Variants in CAMTA1 observed in about 807,000 individuals in gnomAD.
CAMTA1 encodes the protein calmodulin binding transcription activator 1, also known as calmodulin-binding transcription activator 1.
Under a neutral mutation model 170.9 loss-of-function variants are expected in CAMTA1, and 27 were observed. The observed-to-expected ratio is 0.16, with a 90% CI of 0.12 to 0.22. The LOEUF (loss-of-function observed/expected upper bound fraction) is 0.22, where lower values mean the gene tolerates loss of function less well. CAMTA1 is among the 10% of genes least tolerant of loss of function. The pLI, the probability that CAMTA1 is intolerant of heterozygous loss-of-function variation, is 1.00. For synonymous variants in CAMTA1, 833 were observed against 891.5 expected (o/e 0.93, Z 1.17); for missense variants, 1,619 against 2,217.2 (o/e 0.73, Z 5.42).
At chr1:6,823,173 A>G (rs545526197) in intron 2 of CAMTA1, among the ~76,000 whole-genome samples, 11 of 152,148 alleles carry the variant, frequency 7.2e-5, no homozygotes, top group Admixed American at 1.3e-4. Context: ...AATGGAAATA[A>G]AAGTACTTTA....
At chr1:7,668,433 C>CACACACACACA (rs36054481) in intron 9 of CAMTA1, among the ~76,000 whole-genome samples, 10 of 114,874 alleles carry the variant, frequency 8.7e-5, no homozygotes, top group African/African-American at 3.2e-4. Context: ...ACACACACAC[C>CACACACACACA]CACCACACAC....
At chr1:7,694,885 G>T (rs1333478099) in intron 11 of CAMTA1, 2 of 152,212 alleles carry the variant, frequency 1.3e-5, no homozygotes, top group Non-Finnish European at 2.9e-5. Context: ...CTGAGCCAGG[G>T]CGGGGACCTG....
At chr1:7,138,161 A>T (rs572607535) in intron 4 of CAMTA1, among the ~76,000 whole-genome samples, 36 of 151,986 alleles carry the variant, frequency 2.4e-4, no homozygotes, top group African/African-American at 7.2e-4. Flanking sequence ...AATTTTTAAA[A>T]TTTTTTGTAG....
intron 3 of CAMTA1, among the ~76,000 whole-genome samples, chr1:7,027,522 A>G (rs545552050): frequency 3.8e-4 from 58 of 152,268 alleles, no homozygotes; most frequent in African/African-American, 1.4e-3. Flanking sequence ...CCACATTTTC[A>G]GGGTACTCCA....
intron 11 of CAMTA1, among the ~76,000 whole-genome samples, chr1:7,713,864 A>T (rs910892065): frequency 2.0e-5 from 3 of 152,196 alleles, no homozygotes; most frequent in African/African-American, 7.2e-5. Context: ...CTAACAAGGG[A>T]AGTTTCAGTT....
rs553888197 is a variant in CAMTA1, at chr1:7,146,677, T to C, written c.302+55306T>C. Among the ~76,000 whole-genome samples, 1 of 152,196 alleles carries C rather than the reference T, an allele frequency of 6.6e-6. No individual in the cohort carries two copies. Among genetic ancestry groups the C allele is most frequent in the South Asian group, 2.1e-4 (1 of 4,824 alleles). The stretch of plus-strand genomic sequence containing the variant: ...CTGGGACCGGCTGTGTAGGGGTTGA[T>C]GTGGGCAGTCAGAGGGGGTAGGGAG... On this transcript the variant is annotated intron_variant, in intron 4 of 22. Transcript: ENST00000303635. The surrounding 1 kb of genome is among the most constrained non-coding windows in gnomAD (Gnocchi z 4.3).
At chr1:7,560,674 C>T (rs752045531) in intron 6 of CAMTA1, among the ~76,000 whole-genome samples, 6 of 152,168 alleles carry the variant, frequency 3.9e-5, no homozygotes, top group Admixed American at 1.3e-4. Flanking sequence ...TCACCGCGGC[C>T]GGTGTGCATC....
chr1:7,331,923 A>G (rs11120902), intron 5 of CAMTA1, among the ~76,000 whole-genome samples: 10,156 of 152,220 alleles, frequency 0.067, 1,139 homozygotes, highest in African/African-American at 0.23. Context: ...CAGGAGGCCC[A>G]TGACAAACTA....
intron 6 of CAMTA1, among the ~76,000 whole-genome samples, chr1:7,542,516 A>T (rs1034988707): frequency 1.3e-5 from 2 of 151,446 alleles, no homozygotes; most frequent in Non-Finnish European, 2.9e-5. Context: ...GCTCACTGCA[A>T]CCTCTGCCTC....
chr1:7,404,123 T>C (rs908256610), intron 5 of CAMTA1, among the ~76,000 whole-genome samples: 3 of 152,188 alleles, frequency 2.0e-5, no homozygotes, highest in Admixed American at 2.0e-4. Context: ...GGGAGGACAC[T>C]GCCCCATCCG....
At chr1:7,603,665 C>G (rs1233568599) in intron 6 of CAMTA1, among the ~76,000 whole-genome samples, 3 of 152,180 alleles carry the variant, frequency 2.0e-5, no homozygotes, top group South Asian at 4.2e-4. Flanking sequence ...TTTAATTGGA[C>G]CATTTAGCCC....
At chr1:6,868,143 C>G (rs1447919728) in intron 3 of CAMTA1, among the ~76,000 whole-genome samples, 1 of 148,708 alleles carries the variant, frequency 6.7e-6, no homozygotes, top group African/African-American at 2.4e-5. Context: ...AATATACTTG[C>G]TGAGGTTAGT....
intron 6 of CAMTA1, among the ~76,000 whole-genome samples, chr1:7,601,384 G>T (rs2095441200): frequency 6.6e-6 from 1 of 152,108 alleles, no homozygotes; most frequent in African/African-American, 2.4e-5. Flanking sequence ...CAGACGATGG[G>T]CGGCCTGGCA....
At chr1:7,332,767 C>G (rs1296875496) in intron 5 of CAMTA1, among the ~76,000 whole-genome samples, 1 of 152,144 alleles carries the variant, frequency 6.6e-6, no homozygotes, top group African/African-American at 2.4e-5. Context: ...CTGAGCAAAG[C>G]AGGCAGTAAA....
At chr1:7,327,814 G>A (rs1411781402) in intron 5 of CAMTA1, among the ~76,000 whole-genome samples, 1 of 152,148 alleles carries the variant, frequency 6.6e-6, no homozygotes, top group Non-Finnish European at 1.5e-5. Flanking sequence ...ATATTCTTGA[G>A]AAGCTTCCTT....
chr1:7,076,320 T>C (rs1254574739), intron 3 of CAMTA1, among the ~76,000 whole-genome samples: 2 of 152,208 alleles, frequency 1.3e-5, no homozygotes, highest in East Asian at 1.9e-4. Flanking sequence ...CAAGCTCCCT[T>C]TTTATGGCTT....
At chr1:7,741,212 A>G (rs374258812) in intron 16 of CAMTA1, among the ~76,000 whole-genome samples, 1 of 152,196 alleles carries the variant, frequency 6.6e-6, no homozygotes, top group African/African-American at 2.4e-5. Context: ...GGACAGTAAC[A>G]GATTTTGTTC....
rs1165362886 is a variant in CAMTA1 at position 7,766,587 on chromosome 1, A to G, written c.*96A>G. On this transcript the variant is annotated 3_prime_UTR_variant, in exon 23 of 23. Transcript: ENST00000303635. ...AGACATGCAACAACAACACACACGCACACACGCACACACACACACGTACAC... is the reference window on the plus strand; with the variant it reads ...AGACATGCAACAACAACACACACGCGCACACGCACACACACACACGTACAC... 3.1e-6 allele frequency: 3 copies of G among 976,808 alleles called. No homozygotes were observed. Among genetic ancestry groups the G allele is most frequent in the East Asian group, 4.8e-5 (2 of 41,394 alleles). The allele number at this position is 976,808 out of a possible 1,614,324, so 60.5% of individuals were successfully genotyped here.
At chr1:7,338,035 G>GCA (rs1163660245) in intron 5 of CAMTA1, among the ~76,000 whole-genome samples, 2 of 151,246 alleles carry the variant, frequency 1.3e-5, no homozygotes, top group African/African-American at 4.9e-5. Context: ...ATACATATAT[G>GCA]TACATATATA....
Sources: gnomAD v4.1 joint callset for allele counts (sites outside exome capture counted in the v4.1 genomes callset) on GRCh38, gnomAD v4.1.1 for gene constraint, Gnocchi (gnomAD v3.1) non-coding constraint, MANE v1.5 for transcripts, NCBI Gene and HGNC (gene_info 2026-07-23, HGNC 2026-07-21) for gene names.